Variants in SMARCC1 observed in about 807,000 individuals in gnomAD.
The protein encoded by SMARCC1 is SWI/SNF related BAF chromatin remodeling complex subunit C1.
Under a neutral mutation model 147.4 loss-of-function variants are expected in SMARCC1, and 43 were observed. The observed-to-expected ratio is 0.29, with a 90% confidence interval of 0.23 to 0.38. The LOEUF is 0.38. Among genes scored for constraint, SMARCC1 ranks in the 10% least tolerant of loss-of-function variants. SMARCC1 has a pLI of 1.00. For synonymous variants in SMARCC1, 495 were observed against 484.4 expected, an observed-to-expected ratio of 1.02 and a Z score of -0.29; for missense variants, 1,119 against 1,381.1, an observed-to-expected ratio of 0.81 and a Z score of 3.01.
intron 8 of SMARCC1, 48 bp downstream of exon 8, chr3:47,714,367 A>C (rs1044776537): frequency 8.3e-7 from 1 of 1,204,350 alleles, no homozygotes; most frequent in African/African-American, 1.5e-5. Context: ...CATCTCAAAA[A>C]AAATTTTAAA....
intron 7 of SMARCC1, among the ~76,000 whole-genome samples, chr3:47,716,783 G>A (rs2034161174): frequency 6.6e-6 from 1 of 152,182 alleles, no homozygotes; most frequent in African/African-American, 2.4e-5. Flanking sequence ...GAAGCCTTTA[G>A]ACTGGGAGTG....
chr3:47,632,998 G>A (rs906259928), intron 24 of SMARCC1, among the ~76,000 whole-genome samples: 5 of 151,924 alleles, frequency 3.3e-5, no homozygotes, highest in Admixed American at 6.5e-5. Context: ...ACTAATCTAC[G>A]GTGTAATGAG....
At chr3:47,620,466 G>GAA (rs746084171) in intron 25 of SMARCC1, among the ~76,000 whole-genome samples, 3 of 138,452 alleles carry the variant, frequency 2.2e-5, no homozygotes, top group South Asian at 4.6e-4. Flanking sequence ...CCGTTTTCAG[G>GAA]AAAAAAAAAA....
chr3:47,730,886 CAACA>C (rs1322586085), intron 5 of SMARCC1, among the ~76,000 whole-genome samples: 1 of 151,734 alleles, frequency 6.6e-6, no homozygotes, highest in Non-Finnish European at 1.5e-5. Context: ...AAAAAAATGC[CAACA>C]ATCATCTGAG....
chr3:47,617,371 T>C (rs964852346), intron 25 of SMARCC1, among the ~76,000 whole-genome samples: 1 of 152,248 alleles, frequency 6.6e-6, no homozygotes, highest in Non-Finnish European at 1.5e-5. Context: ...CTCACATAGT[T>C]TGCCAGGAAA....
chr3:47,726,231 AT>A (rs2034299202), intron 6 of SMARCC1, among the ~76,000 whole-genome samples: 1 of 151,710 alleles, frequency 6.6e-6, no homozygotes, highest in African/African-American at 2.4e-5. Context: ...CCCATCTCTA[AT>A]ATATTTAATA....
At chr3:47,698,134 A>G in intron 11 of SMARCC1, among the ~76,000 whole-genome samples, 1 of 151,796 alleles carries the variant, frequency 6.6e-6, no homozygotes, top group Non-Finnish European at 1.5e-5. Context: ...CAATGTCATC[A>G]AATGAGGTAA....
intron 10 of SMARCC1, among the ~76,000 whole-genome samples, chr3:47,702,904 A>C (rs1316204463): frequency 6.6e-6 from 1 of 151,088 alleles, no homozygotes; most frequent in East Asian, 1.9e-4. Context: ...TGGCCCAAAA[A>C]GTTTTGTTTT....
intron 7 of SMARCC1, among the ~76,000 whole-genome samples, 187 bp downstream of exon 7, chr3:47,720,479 T>G (rs1361210877): frequency 6.6e-6 from 1 of 152,168 alleles, no homozygotes; most frequent in Non-Finnish European, 1.5e-5. Context: ...TCATTCACCA[T>G]TTAATGGTGA....
chr3:47,599,521 T>C (rs4858802), intron 26 of SMARCC1, among the ~76,000 whole-genome samples: 42,138 of 152,072 alleles, frequency 0.28, 6,582 homozygotes, highest in Admixed American at 0.33. Flanking sequence ...ATTATCCCTG[T>C]GGAAGAAAGG....
At chr3:47,675,338 T>C in intron 18 of SMARCC1, 137 bp downstream of exon 18, 1 of 509,994 alleles carries the variant, frequency 2.0e-6, no homozygotes, top group Non-Finnish European at 3.5e-6. Context: ...TACTAAGTCA[T>C]ATAGGAATAT....
At chr3:47,665,876 G>A (rs1205927549) in intron 19 of SMARCC1, among the ~76,000 whole-genome samples, 1 of 148,794 alleles carries the variant, frequency 6.7e-6, no homozygotes, top group African/African-American at 2.5e-5. Context: ...TGTGAGACAC[G>A]GTCTTGCTAT....
intron 10 of SMARCC1, 92 bp downstream of exon 10, chr3:47,706,317 C>T: frequency 8.1e-7 from 1 of 1,234,266 alleles, no homozygotes; most frequent in Non-Finnish European, 1.1e-6. Flanking sequence ...GTTGATCTGC[C>T]CACCTCAGCC....
intron 25 of SMARCC1, among the ~76,000 whole-genome samples, chr3:47,612,871 C>T (rs1559625541): frequency 6.6e-6 from 1 of 152,208 alleles, no homozygotes; most frequent in African/African-American, 2.4e-5. Flanking sequence ...GCCCAAATAA[C>T]AGGCTACCAG....
At chr3:47,619,279 T>C (rs1033923843) in intron 25 of SMARCC1, among the ~76,000 whole-genome samples, 5 of 152,230 alleles carry the variant, frequency 3.3e-5, no homozygotes, top group Admixed American at 2.0e-4. Context: ...CTTTCCACTT[T>C]CCCAACTACG....
chr3:47,593,047 G>GC, intron 26 of SMARCC1, among the ~76,000 whole-genome samples: 1 of 151,912 alleles, frequency 6.6e-6, no homozygotes, highest in South Asian at 2.1e-4. Context: ...AGCTGATCTT[G>GC]AACTCCTGAC....
At chr3:47,673,817 G>C (rs928401500) in intron 18 of SMARCC1, among the ~76,000 whole-genome samples, 13 of 152,122 alleles carry the variant, frequency 8.5e-5, no homozygotes, top group Admixed American at 6.5e-4. Context: ...AACCCAAAAG[G>C]CTCCCTCCTT....
chr3:47,712,615 C>G (rs1310376434), intron 8 of SMARCC1, among the ~76,000 whole-genome samples: 2 of 151,084 alleles, frequency 1.3e-5, no homozygotes, highest in Non-Finnish European at 3.0e-5. Context: ...GGGTATTATA[C>G]TCTCTGGCTT....
chr3:47,621,848 T>A (rs951429980), intron 25 of SMARCC1, among the ~76,000 whole-genome samples: 1 of 151,274 alleles, frequency 6.6e-6, no homozygotes, highest in Non-Finnish European at 1.5e-5. Context: ...AGAAAATCCC[T>A]GACTCAGATA....
Sources: gnomAD v4.1 joint callset for allele counts (sites outside exome capture counted in the v4.1 genomes callset) on GRCh38, gnomAD v4.1.1 for gene constraint, MANE v1.5 for transcripts, NCBI Gene and HGNC (gene_info 2026-07-23, HGNC 2026-07-21) for gene names.